CCDC30: variants seen among roughly 807,000 people sequenced by gnomAD.
CCDC30 encodes the protein coiled-coil domain containing 30.
CCDC30 carries 70 observed loss-of-function variants against 100.2 expected under a neutral mutation model. That is an observed-to-expected ratio of 0.70 (90% CI 0.58 to 0.85). The LOEUF is 0.85. Among genes scored for constraint, CCDC30 ranks in the 40% least tolerant of loss-of-function variants. The probability of loss-of-function intolerance (pLI) is 0.00; values close to 1 mark genes in which losing one functional copy is unlikely to be tolerated. For synonymous variants in CCDC30, 233 were observed against 269.5 expected (o/e 0.86, Z 1.33); for missense variants, 652 against 771.2 (o/e 0.85, Z 1.83).
chr1:42,519,499 A>T (rs1644603853), intron 6 of CCDC30, among the ~76,000 whole-genome samples: 1 of 152,056 alleles, frequency 6.6e-6, no homozygotes, highest in African/African-American at 2.4e-5. Flanking sequence ...TTTGTGATTT[A>T]GTCTTGGTAG....
intron 1 of CCDC30, chr1:42,473,064 C>A (rs910775989): frequency 3.3e-6 from 4 of 1,218,176 alleles, no homozygotes; most frequent in Non-Finnish European, 4.1e-6. Flanking sequence ...AGATATCTTG[C>A]ATCCTCAGTT....
intron 6 of CCDC30, among the ~76,000 whole-genome samples, chr1:42,539,837 T>C (rs1644978104): frequency 6.6e-6 from 1 of 151,318 alleles, no homozygotes; most frequent in African/African-American, 2.4e-5. Context: ...TGCCCAGGAG[T>C]TAGAGGCTGT....
At chr1:42,623,994 T>C (rs1646887250) in intron 11 of CCDC30, among the ~76,000 whole-genome samples, 1 of 152,198 alleles carries the variant, frequency 6.6e-6, no homozygotes, top group Non-Finnish European at 1.5e-5. Context: ...TGTCTGGCTA[T>C]TATAAATGGA....
At chr1:42,523,701 C>T (rs1413721922) in intron 6 of CCDC30, among the ~76,000 whole-genome samples, 1 of 152,126 alleles carries the variant, frequency 6.6e-6, no homozygotes, top group Non-Finnish European at 1.5e-5. Context: ...TCTTCTGGGA[C>T]TCCCCAGTGT....
At chr1:42,618,901 T>C (rs1646777522) in intron 11 of CCDC30, among the ~76,000 whole-genome samples, 1 of 152,250 alleles carries the variant, frequency 6.6e-6, no homozygotes. Context: ...TCCATTCATA[T>C]TCTGTTGGCC....
At chr1:42,655,029 G>C (rs1648615026), downstream of CCDC30, among the ~76,000 whole-genome samples, 1 of 151,910 alleles carries the variant, frequency 6.6e-6, no homozygotes, top group African/African-American at 2.4e-5. Context: ...TTATTTTACA[G>C]TTATTCCCTT....
intron 15 of CCDC30, among the ~76,000 whole-genome samples, chr1:42,651,689 C>T (rs189905823): frequency 3.1e-4 from 47 of 152,158 alleles, no homozygotes; most frequent in African/African-American, 1.1e-3. Flanking sequence ...CACAGCAAGA[C>T]CCTGTATCTA....
At chr1:42,590,453 G>C (rs983574339) in intron 10 of CCDC30, 1 of 152,144 alleles carries the variant, frequency 6.6e-6, no homozygotes, top group African/African-American at 2.4e-5. Flanking sequence ...TCAGAAGAAG[G>C]CAGGAGGACC....
chr1:42,632,252 T>C (rs1021771831), intron 11 of CCDC30, among the ~76,000 whole-genome samples: 3 of 152,160 alleles, frequency 2.0e-5, no homozygotes, highest in African/African-American at 7.2e-5. Flanking sequence ...GCTTAGGGTA[T>C]GTCCAGGAGC....
At chr1:42,557,409 A>G (rs1645391270) in intron 6 of CCDC30, among the ~76,000 whole-genome samples, 2 of 152,064 alleles carry the variant, frequency 1.3e-5, no homozygotes, top group Non-Finnish European at 1.5e-5. Context: ...ACAGCTCCAG[A>G]TGGACATTGG....
chr1:42,524,373 G>A (rs974987552), intron 6 of CCDC30, among the ~76,000 whole-genome samples: 1 of 152,004 alleles, frequency 6.6e-6, no homozygotes, highest in Non-Finnish European at 1.5e-5. Context: ...CTCTCTATAC[G>A]CAGTTGCTTT....
At chr1:42,646,180 C>A (rs758046840) in exon 15 of CCDC30, 3 of 1,602,374 alleles carry the variant, frequency 1.9e-6, no homozygotes, top group Admixed American at 3.4e-5. Flanking sequence ...TAGAGGCAAG[C>A]TGGCTTCTCT....
Position 42,546,397 on chromosome 1 carries a change from AAAATATATATATATAT to A in CCDC30, c.457-19897_457-19882del, listed in dbSNP as rs1383680108. ...TGAAATTCTGTCTCAAAAAAAAAAA[AAAATATATATATATAT>A]ATATATATATATATATATATATATA... On this transcript the variant is annotated intron_variant, in intron 6 of 16. Coordinates refer to ENST00000668663, the Ensembl canonical transcript of CCDC30. 6.5e-3 allele frequency among the ~76,000 whole-genome samples: 28 copies of A among 4,294 alleles called. 2 individuals carry two copies. Among genetic ancestry groups the A allele is most frequent in the African/African-American group, 0.013 (28 of 2,118 alleles). The allele number at this position is 4,294 out of a possible 152,430, so 2.8% of individuals were successfully genotyped here.
chr1:42,482,042 TC>T (rs1164192539), intron 2 of CCDC30, among the ~76,000 whole-genome samples: 3 of 151,806 alleles, frequency 2.0e-5, no homozygotes, highest in Non-Finnish European at 4.4e-5. Flanking sequence ...CATGGTGACA[TC>T]CCATCTCTAC....
intron 10 of CCDC30, among the ~76,000 whole-genome samples, chr1:42,608,550 A>C (rs1490611425): frequency 6.6e-6 from 1 of 151,960 alleles, no homozygotes; most frequent in East Asian, 1.9e-4. Flanking sequence ...AATACAAAAA[A>C]AAATTAGCCG....
At chr1:42,650,211 G>C (rs144489158) in intron 15 of CCDC30, among the ~76,000 whole-genome samples, 1 of 152,070 alleles carries the variant, frequency 6.6e-6, no homozygotes, top group Non-Finnish European at 1.5e-5. Context: ...GGTTGGGCAC[G>C]GTGGCTCAGG....
At chr1:42,646,400 A>C in intron 15 of CCDC30, 83 bp downstream of exon 19, 3 of 1,310,052 alleles carry the variant, frequency 2.3e-6, no homozygotes, top group Non-Finnish European at 9.8e-7. Context: ...CTCTCAACTT[A>C]TGGTTTCTAC....
chr1:42,541,411 G>C (rs1191483140), intron 6 of CCDC30, among the ~76,000 whole-genome samples: 2 of 152,196 alleles, frequency 1.3e-5, no homozygotes, highest in African/African-American at 4.8e-5. Context: ...CAAACATGCA[G>C]TGCATAACAA....
At chr1:42,546,249 G>C (rs1219644106) in intron 6 of CCDC30, among the ~76,000 whole-genome samples, 2 of 150,174 alleles carry the variant, frequency 1.3e-5, no homozygotes, top group African/African-American at 4.9e-5. Context: ...GCTGGGCGTG[G>C]TGGTGCATGA....
Sources: allele counts gnomAD v4.1 joint callset (sites outside exome capture counted in the v4.1 genomes callset), GRCh38; gene constraint gnomAD v4.1.1; transcripts MANE v1.5; gene names NCBI Gene and HGNC (gene_info 2026-07-23, HGNC 2026-07-21).